PRKDC: variants seen among roughly 807,000 people sequenced by gnomAD.
PRKDC encodes the protein DNA-dependent protein kinase catalytic subunit.
PRKDC carries 82 observed loss-of-function variants against 486.9 expected under a neutral mutation model. The ratio of observed to expected loss-of-function variants is 0.17; its 90% CI spans 0.14 to 0.20. PRKDC has a LOEUF of 0.20. PRKDC is among the 10% of genes least tolerant of loss of function. The pLI, the probability that PRKDC is intolerant of heterozygous loss-of-function variation, is 1.00. For synonymous variants in PRKDC, 1,895 were observed against 1,837.0 expected (o/e 1.03, Z -0.81); for missense variants, 4,504 against 5,038.2 (o/e 0.89, Z 3.21).
intron 7 of PRKDC, among the ~76,000 whole-genome samples, chr8:47,947,376 T>C (rs1218494536): frequency 6.6e-6 from 1 of 152,230 alleles, no homozygotes; most frequent in Non-Finnish European, 1.5e-5. Context: ...GCTGCTTTAT[T>C]TGTTCATCTG....
chr8:47,915,063 G>GA (rs967945373), intron 23 of PRKDC, among the ~76,000 whole-genome samples: 4 of 152,254 alleles, frequency 2.6e-5, no homozygotes, highest in Non-Finnish European at 5.9e-5. Context: ...CACTAATATG[G>GA]AAAAGAGTAT....
chr8:47,799,930 G>A (rs981485834), intron 71 of PRKDC, among the ~76,000 whole-genome samples: 2 of 152,040 alleles, frequency 1.3e-5, no homozygotes, highest in Admixed American at 1.3e-4. Context: ...GTGATGGGTG[G>A]GGAAATTTAA....
At chr8:47,921,297 T>A (rs2090066583) in intron 21 of PRKDC, among the ~76,000 whole-genome samples, 1 of 152,104 alleles carries the variant, frequency 6.6e-6, no homozygotes, top group Admixed American at 6.6e-5. Context: ...TAAGTTTATG[T>A]CCAACTAAAT....
chr8:47,918,828 T>C (rs575204500), intron 21 of PRKDC, among the ~76,000 whole-genome samples: 22 of 152,208 alleles, frequency 1.4e-4, no homozygotes, highest in Non-Finnish European at 2.5e-4. Context: ...ATGATGGGGG[T>C]AGAAAATCAC....
chr8:47,782,715 A>G lies in PRKDC; in HGVS notation c.11176-117T>C, dbSNP rs1447401611. 1.7e-6 allele frequency: 2 copies of G among 1,174,360 alleles called. No individual in the cohort carries two copies. The highest frequency in any genetic ancestry group is 2.4e-6 in the Non-Finnish European group (2 of 840,622). The allele number at this position is 1,174,360 out of a possible 1,614,324, so 72.7% of individuals were successfully genotyped here. A position where few individuals can be genotyped will look rare whatever the true frequency, so the allele number is the denominator to read the frequency against. ...GGGGCCGCCCTCTGAAGACAGTGCC[A>G]AAGAGCAGAGCGCCCAGGCCAGCAA... On this transcript the variant is annotated intron_variant, in intron 78 of 85. Coordinates refer to ENST00000314191, the MANE Select transcript of PRKDC (RefSeq NM_006904.7). This position sits in a 1 kb window ranked among gnomAD's most constrained non-coding sequence, Gnocchi z 4.9.
chr8:47,775,298 T>C (rs1027731269), intron 85 of PRKDC, among the ~76,000 whole-genome samples: 7 of 152,046 alleles, frequency 4.6e-5, no homozygotes, highest in African/African-American at 1.4e-4. Flanking sequence ...TTGAGCATTT[T>C]TGCATGCCGC....
At chr8:47,952,977 T>C (rs1201077063) in intron 7 of PRKDC, among the ~76,000 whole-genome samples, 2 of 152,106 alleles carry the variant, frequency 1.3e-5, no homozygotes, top group Non-Finnish European at 2.9e-5. Context: ...CCATCTCTAC[T>C]AAAAATACAA....
intron 54 of PRKDC, among the ~76,000 whole-genome samples, chr8:47,842,192 G>A (rs1232471453): frequency 6.6e-6 from 1 of 152,138 alleles, no homozygotes; most frequent in African/African-American, 2.4e-5. Flanking sequence ...GGAAATGTGG[G>A]TATGGTGCCA....
chr8:47,836,397 A>T lies in PRKDC; in HGVS notation c.7892T>A (p.Val2631Glu), dbSNP rs367945650. 229 of 1,611,378 alleles carry T rather than the reference A, an allele frequency of 1.4e-4. No homozygotes were observed. The highest frequency in any genetic ancestry group is 1.8e-4 in the Non-Finnish European group (213 of 1,178,618). Residue 2631 changes from valine (V) to glutamate (E), a missense_variant, in exon 58 of 86, where the codon GTG (valine) becomes GAG (glutamate). Physicochemically the swap from Val to Glu is moderately radical, Grantham distance 121. Around this residue, in one of 6 missense-constraint regions of PRKDC, gnomAD observed 1,592 missense variants for 1,724.6 expected, o/e 0.92. Coordinates refer to ENST00000314191, the MANE Select transcript of PRKDC (RefSeq NM_006904.7). ...CTGGGTGGCCCTTATCTGCCCTGCC[A>T]CTGGCCAGCGAGCTGAGAGGGACCC... Reference protein sequence around the residue: ...QEGSLSARWPVAGQIRATQQQ... With the variant: ...QEGSLSARWPEAGQIRATQQQ...
Position 47,943,898 on chromosome 8 carries a change from A to C in PRKDC, c.778-15T>G, listed in dbSNP as rs560541906. 6.3e-7 allele frequency: 1 copy of C among 1,589,000 alleles called. No homozygotes were observed. Among genetic ancestry groups the C allele is most frequent in the Admixed American group, 1.7e-5 (1 of 57,384 alleles). On this transcript the variant is annotated splice_polypyrimidine_tract_variant and intron_variant, in intron 8 of 85. Coordinates refer to ENST00000314191, the MANE Select transcript of PRKDC (RefSeq NM_006904.7). The stretch of plus-strand genomic sequence containing the variant: ...TTCAGATCAATCTATTTTAGAAAAG[A>C]AAAATTCACCATCAGTATTTGAAAG...
At position 47,855,155 on chromosome 8, in the gene PRKDC, A is replaced by C. The variant is rs2088505013; in HGVS notation, c.6761+67T>G. The stretch of plus-strand genomic sequence containing the variant: ...CATGTAATTAAATTTCACTGTAATC[A>C]TCATTTACGACACACTACATTTTAA... On this transcript the variant is annotated intron_variant, in intron 50 of 85. Coordinates refer to ENST00000314191, the MANE Select transcript of PRKDC (RefSeq NM_006904.7). The C allele has an allele frequency of 6.6e-6, 9 of 1,354,830 alleles. No individual in the cohort carries two copies. In the South Asian group the frequency reaches 1.3e-4, roughly 19 times the overall value. The allele number at this position is 1,354,830 out of a possible 1,614,324, so 83.9% of individuals were successfully genotyped here.
At chr8:47,841,925 C>CA (rs1188462431) in intron 54 of PRKDC, among the ~76,000 whole-genome samples, 1 of 152,238 alleles carries the variant, frequency 6.6e-6, no homozygotes, top group African/African-American at 2.4e-5. Flanking sequence ...GTGTGCTGGG[C>CA]AAAAAACCCC....
chr8:47,920,567 T>G (rs1053752413), intron 21 of PRKDC, among the ~76,000 whole-genome samples: 48 of 152,218 alleles, frequency 3.2e-4, no homozygotes, highest in African/African-American at 1.2e-3. Flanking sequence ...GTTTTAAATG[T>G]GCTAGATTTT....
chr8:47,900,346 C>G (rs756522216), intron 28 of PRKDC, 27 bp downstream of exon 28: 13 of 1,558,126 alleles, frequency 8.3e-6, no homozygotes, highest in Non-Finnish European at 3.5e-6. Context: ...ACCTGTAACG[C>G]ACACAGAACA....
chr8:47,801,282 C>T (rs1416756544), intron 70 of PRKDC, among the ~76,000 whole-genome samples: 1 of 152,058 alleles, frequency 6.6e-6, no homozygotes, highest in African/African-American at 2.4e-5. Context: ...ATGTTGCCCA[C>T]GCTGGTCTCG....
At chr8:47,887,502 T>C in intron 35 of PRKDC, 45 bp downstream of exon 35, 1 of 1,461,488 alleles carries the variant, frequency 6.8e-7, no homozygotes. Flanking sequence ...GACATATGTA[T>C]TTCTATTATT....
intron 52 of PRKDC, 134 bp from the exon 53 acceptor site, chr8:47,849,637 G>A: frequency 1.0e-6 from 1 of 1,003,470 alleles, no homozygotes. Flanking sequence ...GTAGATGATG[G>A]GACAGTAGGT....
chr8:47,909,001 A>G (rs2089845843), intron 25 of PRKDC, among the ~76,000 whole-genome samples: 1 of 152,168 alleles, frequency 6.6e-6, no homozygotes, highest in African/African-American at 2.4e-5. Flanking sequence ...CTATTAGTCC[A>G]GTTTCACCAA....
At chr8:47,828,687 C>T (rs567198262) in intron 61 of PRKDC, among the ~76,000 whole-genome samples, 2 of 152,260 alleles carry the variant, frequency 1.3e-5, no homozygotes, top group East Asian at 1.9e-4. Flanking sequence ...CATTGGGCTG[C>T]GGGGAAGATT....
Sources: allele counts gnomAD v4.1 joint callset (sites outside exome capture counted in the v4.1 genomes callset), GRCh38; gene constraint gnomAD v4.1.1; regional missense constraint gnomAD v4.1.1; non-coding constraint Gnocchi (gnomAD v3.1); transcripts MANE v1.5; gene names NCBI Gene and HGNC (gene_info 2026-07-23, HGNC 2026-07-21).